PPP2R2B: variants seen among roughly 807,000 people sequenced by gnomAD.
The protein encoded by PPP2R2B is serine/threonine-protein phosphatase 2A 55 kDa regulatory subunit B beta isoform.
PPP2R2B carries 5 observed loss-of-function variants against 46.0 expected under a neutral mutation model. The ratio of observed to expected loss-of-function variants is 0.11; its 90% CI spans 0.06 to 0.23. PPP2R2B has a LOEUF of 0.23. PPP2R2B is among the 10% of genes least tolerant of loss of function. PPP2R2B has a pLI of 1.00. For missense variants in PPP2R2B, 367 were observed against 575.0 expected (o/e 0.64, Z 3.70); for synonymous variants, 215 against 206.7 (o/e 1.04, Z -0.34).
At position 146,878,494 on chromosome 5, in the gene PPP2R2B, C is replaced by A; in HGVS notation, c.-125+97G>T. The A allele has an allele frequency of 7.5e-7, 1 of 1,324,582 alleles. No homozygotes were observed. The highest frequency in any genetic ancestry group is 9.7e-7 in the Non-Finnish European group (1 of 1,029,222). The allele number at this position is 1,324,582 out of a possible 1,614,324, so 82.1% of individuals were successfully genotyped here. A position where few individuals can be genotyped will look rare whatever the true frequency, so the allele number is the denominator to read the frequency against. Reference sequence around the variant, plus strand: ...GCCGCTCCAAAATGCAAAAAAGATCCCTCCTCCCCCTGGGAGAGCGGGCAG... The same window carrying A: ...GCCGCTCCAAAATGCAAAAAAGATCACTCCTCCCCCTGGGAGAGCGGGCAG... On this transcript the variant is annotated intron_variant, in intron 1 of 9. Transcript: ENST00000394411. The surrounding 1 kb of genome is among the most constrained non-coding windows in gnomAD (Gnocchi z 4.5).
intron 7 of PPP2R2B, among the ~76,000 whole-genome samples, chr5:146,609,876 A>T (rs1772697579): frequency 7.1e-6 from 1 of 141,486 alleles, no homozygotes; most frequent in African/African-American, 2.9e-5. Flanking sequence ...CTAGCACAGC[A>T]GTCTGAGATC....
At chr5:146,775,624 G>C (rs1293585471) in intron 2 of PPP2R2B, among the ~76,000 whole-genome samples, 1 of 152,070 alleles carries the variant, frequency 6.6e-6, no homozygotes, top group Non-Finnish European at 1.5e-5. Flanking sequence ...GACCTAGCCA[G>C]AGCAATTAGG....
intron 1 of PPP2R2B, among the ~76,000 whole-genome samples, chr5:147,008,263 G>A (rs1029505250): frequency 2.0e-5 from 3 of 152,264 alleles, no homozygotes; most frequent in East Asian, 3.9e-4. Context: ...TGGACTTTTT[G>A]TCAGGCTCTA....
intron 7 of PPP2R2B, among the ~76,000 whole-genome samples, chr5:146,622,256 T>C (rs1344076744): frequency 6.6e-6 from 1 of 152,232 alleles, no homozygotes; most frequent in Non-Finnish European, 1.5e-5. Context: ...AGTTTATGAA[T>C]TGTTTTGATA....
At chr5:146,957,915 C>T (rs966950506) in intron 1 of PPP2R2B, among the ~76,000 whole-genome samples, 1 of 152,098 alleles carries the variant, frequency 6.6e-6, no homozygotes, top group Non-Finnish European at 1.5e-5. Context: ...GAAGAAAATA[C>T]TATAATTACA....
At chr5:146,593,569 T>C (rs1050965948) in intron 8 of PPP2R2B, among the ~76,000 whole-genome samples, 1 of 152,180 alleles carries the variant, frequency 6.6e-6, no homozygotes, top group African/African-American at 2.4e-5. Context: ...CTGGGAGATC[T>C]TGTCGGGGGT....
chr5:146,781,408 T>C (rs161032), intron 2 of PPP2R2B, among the ~76,000 whole-genome samples: 89,868 of 150,712 alleles, frequency 0.6, 28,159 homozygotes, highest in Non-Finnish European at 0.68. Context: ...AATATTCCAT[T>C]TGCCTGTCTG....
At chr5:146,953,498 A>G (rs1042268417) in intron 1 of PPP2R2B, among the ~76,000 whole-genome samples, 5 of 152,152 alleles carry the variant, frequency 3.3e-5, no homozygotes, top group Non-Finnish European at 4.4e-5. Context: ...AAGTTAGGGG[A>G]GGAAAGGCAA....
chr5:146,851,628 A>C (rs946931558), intron 2 of PPP2R2B, among the ~76,000 whole-genome samples: 1 of 152,070 alleles, frequency 6.6e-6, no homozygotes, highest in African/African-American at 2.4e-5. Context: ...ATGGTTTCCT[A>C]TAAGAATTTA....
At chr5:147,005,185 T>G (rs1754378556) in intron 1 of PPP2R2B, among the ~76,000 whole-genome samples, 1 of 152,202 alleles carries the variant, frequency 6.6e-6, no homozygotes, top group African/African-American at 2.4e-5. Flanking sequence ...AGACTCATGC[T>G]GCCGGATATG....
At chr5:146,770,107 T>C (rs1294640987) in intron 2 of PPP2R2B, among the ~76,000 whole-genome samples, 1 of 151,852 alleles carries the variant, frequency 6.6e-6, no homozygotes, top group Non-Finnish European at 1.5e-5. Context: ...GGCAGGCAGA[T>C]CACTTGAGGT....
At chr5:146,908,992 AAG>A (rs1339568702) in intron 1 of PPP2R2B, among the ~76,000 whole-genome samples, 4 of 152,096 alleles carry the variant, frequency 2.6e-5, no homozygotes, top group Non-Finnish European at 5.9e-5. Flanking sequence ...GGTTTACTTT[AAG>A]ATCCTTCAGA....
At chr5:146,834,351 A>G (rs926438209) in intron 2 of PPP2R2B, among the ~76,000 whole-genome samples, 5 of 152,216 alleles carry the variant, frequency 3.3e-5, no homozygotes, top group African/African-American at 1.2e-4. Context: ...TAGTGGCAGA[A>G]CTGGAATTTA....
chr5:146,701,154 A>T lies in PPP2R2B; in HGVS notation c.71-12T>A. ...AGAGATAATGTCAGCTGCAAAGAAG[A>T]AGACAAAGGCAATTTAAGTAACTGC... On this transcript the variant is annotated splice_polypyrimidine_tract_variant and intron_variant, in intron 2 of 9. Transcript: ENST00000394411. 1 of 1,594,998 alleles carries T rather than the reference A, an allele frequency of 6.3e-7. No homozygotes were observed. The highest frequency in any genetic ancestry group is 8.6e-7 in the Non-Finnish European group (1 of 1,162,514).
At chr5:146,917,557 A>C (rs1387142293) in intron 1 of PPP2R2B, among the ~76,000 whole-genome samples, 2 of 152,248 alleles carry the variant, frequency 1.3e-5, no homozygotes, top group Non-Finnish European at 2.9e-5. Flanking sequence ...AGTTATGCCC[A>C]AGGGCACACA....
chr5:146,998,548 C>A (rs990695422), intron 1 of PPP2R2B, among the ~76,000 whole-genome samples: 3 of 152,132 alleles, frequency 2.0e-5, no homozygotes, highest in Non-Finnish European at 2.9e-5. Flanking sequence ...ACATTTGCAG[C>A]CTTCTAGAAA....
At chr5:146,706,168 C>A (rs1472918460) in intron 2 of PPP2R2B, among the ~76,000 whole-genome samples, 3 of 152,064 alleles carry the variant, frequency 2.0e-5, no homozygotes, top group African/African-American at 7.2e-5. Context: ...TTTGGGGCAG[C>A]CGTAGGAGGG....
At chr5:146,634,789 A>C (rs868857005) in intron 7 of PPP2R2B, among the ~76,000 whole-genome samples, 6 of 151,612 alleles carry the variant, frequency 4.0e-5, no homozygotes, top group African/African-American at 1.2e-4. Flanking sequence ...CACACCCCCT[A>C]CTGGTTCTGT....
At chr5:146,710,382 A>G (rs931740030) in intron 2 of PPP2R2B, among the ~76,000 whole-genome samples, 9 of 152,200 alleles carry the variant, frequency 5.9e-5, no homozygotes, top group African/African-American at 2.2e-4. Flanking sequence ...AATCTCCAAC[A>G]CTAAACAGGT....
Sources: allele counts gnomAD v4.1 joint callset (sites outside exome capture counted in the v4.1 genomes callset), GRCh38; gene constraint gnomAD v4.1.1; non-coding constraint Gnocchi (gnomAD v3.1); transcripts MANE v1.5; gene names NCBI Gene and HGNC (gene_info 2026-07-23, HGNC 2026-07-21).